The following FAM53A variants were observed in gnomAD, a reference collection of about 807,000 sequenced individuals.
FAM53A encodes family with sequence similarity 53 member A, also known as protein FAM53A.
Under a neutral mutation model 26.6 loss-of-function variants are expected in FAM53A, and 28 were observed. That is an observed-to-expected ratio of 1.05 (90% CI 0.78 to 1.45). The LOEUF (loss-of-function observed/expected upper bound fraction) is 1.45, where lower values mean the gene tolerates loss of function less well. Among genes scored for constraint, FAM53A ranks in the 40% most tolerant of loss-of-function variants. The pLI, the probability that FAM53A is intolerant of heterozygous loss-of-function variation, is 0.00. For missense variants in FAM53A, 650 were observed against 575.8 expected, an observed-to-expected ratio of 1.13 and a Z score of -1.32; for synonymous variants, 290 against 253.1, an observed-to-expected ratio of 1.15 and a Z score of -1.38.
intron 4 of FAM53A, among the ~76,000 whole-genome samples, chr4:1,653,656 T>C (rs1170810378): frequency 1.3e-5 from 2 of 152,224 alleles, no homozygotes; most frequent in East Asian, 3.9e-4. Context: ...CTCTAAACCC[T>C]GCTCTCTGCA....
intron 1 of FAM53A, among the ~76,000 whole-genome samples, chr4:1,618,537 G>A (rs1285941983): frequency 6.6e-6 from 1 of 152,240 alleles, no homozygotes; most frequent in Non-Finnish European, 1.5e-5. Flanking sequence ...CCCACCTGGA[G>A]GTGTGGGCTG....
chr4:1,579,875 C>T, the FAM53A span, among the ~76,000 whole-genome samples: 52 of 152,302 alleles, frequency 3.4e-4, no homozygotes, highest in African/African-American at 1.2e-3. Flanking sequence ...CAGGCCTCGC[C>T]GTAAACTTCC....
chr4:1,604,429 G>A, the FAM53A span, among the ~76,000 whole-genome samples: 1 of 152,156 alleles, frequency 6.6e-6, no homozygotes, highest in African/African-American at 2.4e-5. Flanking sequence ...GAACGTGGAG[G>A]GTCCCGTACC....
At chr4:1,683,096 G>A (rs749640866) in intron 1 of FAM53A, among the ~76,000 whole-genome samples, 3 of 152,248 alleles carry the variant, frequency 2.0e-5, no homozygotes, top group Non-Finnish European at 4.4e-5. Context: ...GCGGGACAAT[G>A]GCGCCGGACG....
At chr4:1,602,893 C>T in the FAM53A span, among the ~76,000 whole-genome samples, 1 of 152,128 alleles carries the variant, frequency 6.6e-6, no homozygotes. Context: ...CCATGGTTCA[C>T]ACCACTCCAG....
chr4:1,636,048 C>T (rs1275136964), downstream of FAM53A, among the ~76,000 whole-genome samples: 2 of 152,018 alleles, frequency 1.3e-5, no homozygotes, highest in Middle Eastern at 3.4e-3. Flanking sequence ...GGGGTTTCAC[C>T]TTGGTAGCCA....
rs772660934 is a variant in FAM53A, at chr4:1,644,327, G to A, written c.883-2720C>T. ...CCTCGGACGCGGGACTCGCACTCGC[G>A]GGCACAGCTGTGCGGCTAGAGCGTG... On this transcript the variant is annotated intron_variant, in intron 4 of 4. Transcript: ENST00000308132. The A allele has an allele frequency of 9.3e-4, 1,423 of 1,535,766 alleles. 15 individuals carry two copies. Among genetic ancestry groups the A allele is most frequent in the Admixed American group, 2.0e-4 (10 of 50,984 alleles).
At chr4:1,604,477 G>A in the FAM53A span, among the ~76,000 whole-genome samples, 10 of 152,142 alleles carry the variant, frequency 6.6e-5, 1 homozygote, top group South Asian at 1.4e-3. Context: ...GGGCGTGGGG[G>A]ACACCCAAGG....
intron 1 of FAM53A, among the ~76,000 whole-genome samples, chr4:1,672,145 C>T (rs1714712305): frequency 7.0e-6 from 1 of 141,846 alleles, no homozygotes; most frequent in Non-Finnish European, 1.5e-5. Context: ...GACCCAAAGA[C>T]CCAGGTACCC....
downstream of FAM53A, among the ~76,000 whole-genome samples, chr4:1,638,502 C>A (rs1430026545): frequency 1.3e-5 from 2 of 152,084 alleles, no homozygotes; most frequent in East Asian, 3.9e-4. Context: ...GAGCCTCCAG[C>A]CCCACTCACC....
At position 1,641,546 on chromosome 4, in the gene FAM53A, G is replaced by A. The variant is rs199556675; in HGVS notation, c.944C>T (p.Thr315Ile). ...GGAGGACAGAACCGTCTTCACTGGG[G>A]TGTCATCCTCATCGTCATCTTCGTA... is the stretch of plus-strand genomic sequence containing the variant. ...LNYEDDDEDD[T>I]PVKTVLSSPC... Residue 315 changes from threonine (T) to isoleucine (I), a missense_variant, in exon 5 of 5, where the codon ACC becomes ATC. Transcript: ENST00000308132. 2.5e-6 allele frequency: 4 copies of A among 1,614,206 alleles called. No individual in the cohort carries two copies. Among genetic ancestry groups the A allele is most frequent in the Admixed American group, 3.3e-5 (2 of 60,022 alleles).
intron 4 of FAM53A, among the ~76,000 whole-genome samples, chr4:1,646,879 G>A (rs559599932): frequency 8.5e-5 from 13 of 152,274 alleles, no homozygotes; most frequent in East Asian, 1.9e-4. Context: ...CCTTCTCTAC[G>A]TGGCAAAAGC....
intron 2 of FAM53A, among the ~76,000 whole-genome samples, chr4:1,665,487 CAAA>C (rs202247352): frequency 3.9e-5 from 4 of 101,838 alleles, no homozygotes; most frequent in Admixed American, 1.0e-4. Context: ...GACTCCATCT[CAAA>C]AAAAAAAAAA....
chr4:1,655,418 CTG>C lies in FAM53A; in HGVS notation c.440_441del (p.Pro147ArgfsTer130), dbSNP rs780097600. 7.8e-5 allele frequency: 117 copies of C among 1,490,674 alleles called. No individual in the cohort carries two copies. Among genetic ancestry groups the C allele is most frequent in the Non-Finnish European group, 6.3e-5 (71 of 1,121,460 alleles). 92.3% of individuals were successfully genotyped at this position (1,490,674 alleles called of 1,614,324 possible). The stretch of plus-strand genomic sequence containing the variant: ...CCGCTGTCGCACCGCCTCTTGGAGA[CTG>C]GAGTCCAGACCTTGGAGCTGCCGGG... ...WRPGSSKVWT[P>X]VSKRRCDSGG... On this transcript the variant is annotated frameshift_variant, in exon 4 of 5. Coordinates refer to ENST00000308132, the MANE Select transcript of FAM53A (RefSeq NM_001174070.3). LOFTEE classifies it high-confidence loss of function.
At chr4:1,579,003 G>GC in the FAM53A span, among the ~76,000 whole-genome samples, 191 of 150,294 alleles carry the variant, frequency 1.3e-3, no homozygotes, top group African/African-American at 3.9e-3. Flanking sequence ...ACACCCCTAG[G>GC]CCCCCCACCC....
At chr4:1,649,450 C>T (rs561530136) in intron 4 of FAM53A, among the ~76,000 whole-genome samples, 32 of 152,326 alleles carry the variant, frequency 2.1e-4, no homozygotes, top group Non-Finnish European at 3.7e-4. Flanking sequence ...TGAAATCACT[C>T]CCTTCAAAAA....
At chr4:1,603,283 C>T in the FAM53A span, among the ~76,000 whole-genome samples, 7 of 152,268 alleles carry the variant, frequency 4.6e-5, no homozygotes, top group East Asian at 1.3e-3. Flanking sequence ...AGCATCGTCA[C>T]CCACGGGGAG....
chr4:1,608,730 G>A, the FAM53A span, among the ~76,000 whole-genome samples: 7 of 152,110 alleles, frequency 4.6e-5, no homozygotes, highest in East Asian at 1.9e-4. Context: ...ATCACTCCCC[G>A]TCCTTCACCC....
rs1312585849 is a variant in FAM53A, at chr4:1,655,714, G to A, written c.146C>T (p.Pro49Leu). The change falls in exon 4 of 5, where the codon CCC becomes CTC. Residue 49 changes from proline (P) to leucine (L), a missense_variant. By Grantham distance (98) the Pro-to-Leu change is moderately conservative (BLOSUM62 -3). Coordinates refer to ENST00000308132, the MANE Select transcript of FAM53A (RefSeq NM_001174070.3). ...CGGTCCTCCACTGAAGACCTTCCAG[G>A]GACTCTGGTCTACAAAAAAAGACAC... ...LFPLELNDQS[P>L]WKVFSGGPPV... 7 of 1,570,350 alleles carry A rather than the reference G, an allele frequency of 4.5e-6. No homozygotes were observed. In the East Asian group the frequency reaches 9.3e-5, roughly 21 times the overall value.
Sources: allele counts gnomAD v4.1 joint callset (sites outside exome capture counted in the v4.1 genomes callset), GRCh38; gene constraint gnomAD v4.1.1; transcripts MANE v1.5; gene names NCBI Gene and HGNC (gene_info 2026-07-23, HGNC 2026-07-21).